Variants in FOCAD observed in about 807,000 individuals in gnomAD.
FOCAD encodes KIAA1797.
Under a neutral mutation model 225.6 loss-of-function variants are expected in FOCAD, and 198 were observed. The observed-to-expected ratio is 0.88, with a 90% CI of 0.78 to 0.99. The LOEUF is 0.99. Ranked by LOEUF, FOCAD falls within the 50% of genes least tolerant of loss-of-function variation. The pLI is 0.00. For missense variants in FOCAD, 2,713 were observed against 2,123.6 expected, an observed-to-expected ratio of 1.28 and a Z score of -5.46; for synonymous variants, 897 against 755.0, an observed-to-expected ratio of 1.19 and a Z score of -3.08.
Position 20,758,121 on chromosome 9 carries a change from G to A in FOCAD, c.424G>A (p.Glu142Lys). The change falls in exon 6 of 44, where the codon GAA (glutamate) becomes AAA (lysine). Residue 142 changes from glutamate to lysine, a missense_variant. Transcript: ENST00000338382. The part of the protein sequence containing the change: ...NHPHPLITVL[E>K]HRPDCWPVFL... ...TCCTCATCCTTTGATAACTGTGCTT[G>A]AACACAGACCTGATTGCTGGCCAGT... 1 of 1,611,460 alleles carries A rather than the reference G, an allele frequency of 6.2e-7. No individual in the cohort carries two copies. Among genetic ancestry groups the A allele is most frequent in the Non-Finnish European group, 8.5e-7 (1 of 1,179,004 alleles).
intron 39 of FOCAD, among the ~76,000 whole-genome samples, chr9:20,985,024 C>T (rs1841028606): frequency 1.3e-5 from 2 of 152,266 alleles, no homozygotes; most frequent in Admixed American, 6.5e-5. Context: ...TGGTTTTGAC[C>T]TCCTGGCCTC....
chr9:20,927,960 A>AT (rs971657434), intron 26 of FOCAD: 18 of 152,046 alleles, frequency 1.2e-4, no homozygotes, highest in South Asian at 6.2e-4. Flanking sequence ...AAAAAAAAAA[A>AT]AATGACTTAC....
Position 20,840,037 on chromosome 9 carries a change from G to A in FOCAD, c.1920+16922G>A, listed in dbSNP as rs539986478. Among the ~76,000 whole-genome samples, 25 of 152,176 alleles carry A rather than the reference G, an allele frequency of 1.6e-4. No individual in the cohort carries two copies. In the South Asian group the frequency reaches 3.5e-3, roughly 21 times the overall value. ...GGTCTATGTGTCTGTTTTTATGCCA[G>A]TAGCATGCTGTTTTGGTTACTATAG... On this transcript the variant is annotated intron_variant, in intron 15 of 43. Coordinates refer to ENST00000338382, the MANE Select transcript of FOCAD (RefSeq NM_001375567.1).
At chr9:20,702,215 A>G (rs1824014948) in intron 1 of FOCAD, among the ~76,000 whole-genome samples, 1 of 152,084 alleles carries the variant, frequency 6.6e-6, no homozygotes, top group Non-Finnish European at 1.5e-5. Context: ...TGGTCCTCCC[A>G]CTGCAGCCTC....
At chr9:20,792,884 C>G (rs1332162926) in intron 11 of FOCAD, among the ~76,000 whole-genome samples, 1 of 152,060 alleles carries the variant, frequency 6.6e-6, no homozygotes, top group Non-Finnish European at 1.5e-5. Flanking sequence ...GATAGTTCTA[C>G]CCAGGGTCAA....
At chr9:20,763,055 A>G (rs1039596070) in intron 6 of FOCAD, among the ~76,000 whole-genome samples, 5 of 152,234 alleles carry the variant, frequency 3.3e-5, no homozygotes, top group African/African-American at 1.2e-4. Flanking sequence ...TTGAGGATAG[A>G]TAATTCTTAT....
At chr9:20,986,692 A>G (rs79574715) in intron 40 of FOCAD, among the ~76,000 whole-genome samples, 92 of 152,170 alleles carry the variant, frequency 6.0e-4, no homozygotes, top group Admixed American at 3.1e-3. Flanking sequence ...TTTGTTTTCT[A>G]TTTGGCTCTG....
intron 33 of FOCAD, among the ~76,000 whole-genome samples, chr9:20,950,193 C>A (rs1045481263): frequency 6.6e-6 from 1 of 151,894 alleles, no homozygotes; most frequent in African/African-American, 2.4e-5. Flanking sequence ...ATGAAAGAAG[C>A]TGAAAAAAAT....
Position 20,823,080 on chromosome 9 carries a change from G to A in FOCAD, c.1885G>A (p.Val629Ile). Residue 629 changes from valine to isoleucine, a missense_variant, in exon 15 of 44, where the codon GTA (valine) becomes ATA (isoleucine). Coordinates refer to ENST00000338382, the MANE Select transcript of FOCAD (RefSeq NM_001375567.1). ...KPDQATPAAL[V>I]LQGLHALCQA... ...TGATCAAGCTACTCCAGCAGCCTTG[G>A]TATTACAGGGTCTTCATGCACTCTG... The A allele has an allele frequency of 1.2e-6, 2 of 1,608,278 alleles. No individual in the cohort carries two copies. Among genetic ancestry groups the A allele is most frequent in the Non-Finnish European group, 1.7e-6 (2 of 1,177,794 alleles).
chr9:20,912,703 T>A (rs116167258), intron 22 of FOCAD, among the ~76,000 whole-genome samples, 163 bp from the exon 23 acceptor site: 575 of 152,274 alleles, frequency 3.8e-3, no homozygotes, highest in African/African-American at 0.013. Context: ...TACCTGAGCA[T>A]TGATGTGATG....
intron 21 of FOCAD, among the ~76,000 whole-genome samples, chr9:20,890,568 G>A (rs1312426147): frequency 6.6e-6 from 1 of 151,912 alleles, no homozygotes; most frequent in Non-Finnish European, 1.5e-5. Flanking sequence ...TTCATTCTGT[G>A]TGCTAAAATT....
At chr9:20,890,720 C>T (rs1457474089) in intron 21 of FOCAD, among the ~76,000 whole-genome samples, 1 of 151,916 alleles carries the variant, frequency 6.6e-6, no homozygotes, top group African/African-American at 2.4e-5. Flanking sequence ...TTTTTATTTC[C>T]CGAAATAGTT....
intron 9 of FOCAD, among the ~76,000 whole-genome samples, chr9:20,780,715 G>A (rs543033458): frequency 6.6e-6 from 1 of 151,942 alleles, no homozygotes; most frequent in African/African-American, 2.4e-5. Context: ...AAAAATGCCT[G>A]GAATATTTAG....
chr9:20,920,208 A>G (rs1218124237), intron 24 of FOCAD, among the ~76,000 whole-genome samples: 8 of 151,658 alleles, frequency 5.3e-5, no homozygotes, highest in African/African-American at 1.9e-4. Flanking sequence ...AAACACATGA[A>G]AAAATGCTCA....
chr9:20,905,822 A>C (rs1832907653), intron 21 of FOCAD, among the ~76,000 whole-genome samples: 1 of 152,008 alleles, frequency 6.6e-6, no homozygotes, highest in South Asian at 2.1e-4. Flanking sequence ...TGACTTATTG[A>C]CAAGGCTGCC....
intron 21 of FOCAD, among the ~76,000 whole-genome samples, chr9:20,893,731 A>G (rs1247964670): frequency 6.6e-6 from 1 of 152,094 alleles, no homozygotes; most frequent in African/African-American, 2.4e-5. Context: ...TTTTAGGTTC[A>G]CAGCAAAATT....
chr9:20,781,965 G>A (rs1819422181), intron 10 of FOCAD, 36 bp downstream of exon 10: 2 of 1,583,126 alleles, frequency 1.3e-6, no homozygotes, highest in South Asian at 1.1e-5. Context: ...TAAATAAAGT[G>A]TCGATGTGGG....
intron 25 of FOCAD, among the ~76,000 whole-genome samples, chr9:20,924,149 A>T (rs965894809): frequency 6.6e-6 from 1 of 151,546 alleles, no homozygotes; most frequent in Non-Finnish European, 1.5e-5. Flanking sequence ...TTAATTGTAT[A>T]TGTCAATGAC....
At chr9:20,840,953 C>G (rs1826461542) in intron 15 of FOCAD, among the ~76,000 whole-genome samples, 1 of 151,748 alleles carries the variant, frequency 6.6e-6, no homozygotes, top group African/African-American at 2.4e-5. Flanking sequence ...TTGAATTGTA[C>G]TGAATACTTT....
Sources: gnomAD v4.1 joint callset for allele counts (sites outside exome capture counted in the v4.1 genomes callset) on GRCh38, gnomAD v4.1.1 for gene constraint, MANE v1.5 for transcripts, NCBI Gene and HGNC (gene_info 2026-07-23, HGNC 2026-07-21) for gene names.